Variants in MAF observed in about 807,000 individuals in gnomAD.
MAF encodes MAF bZIP transcription factor, also known as transcription factor Maf.
In MAF, 10 loss-of-function variants were observed where a neutral mutation model predicts 22.0. The observed-to-expected ratio is 0.45, with a 90% CI of 0.28 to 0.77. MAF has a LOEUF of 0.77. Ranked by LOEUF, MAF falls within the 30% of genes least tolerant of loss-of-function variation. MAF has a pLI of 0.12. For synonymous variants in MAF, 337 were observed against 255.8 expected, an observed-to-expected ratio of 1.32 and a Z score of -3.03; for missense variants, 544 against 548.4, an observed-to-expected ratio of 0.99 and a Z score of 0.08.
the MAF span, among the ~76,000 whole-genome samples, chr16:79,233,331 CTAGAGTTCTGGAAG>C: frequency 6.6e-6 from 1 of 151,926 alleles, no homozygotes; most frequent in South Asian, 2.1e-4. Flanking sequence ...TATGTTAGCC[CTAGAGTTCTGGAAG>C]TAGACCTATG....
At chr16:79,498,460 C>T in the MAF span, among the ~76,000 whole-genome samples, 2 of 152,214 alleles carry the variant, frequency 1.3e-5, no homozygotes, top group Non-Finnish European at 2.9e-5. Context: ...CCATTCTTAG[C>T]TTGTCAGCAA....
At chr16:79,429,472 G>A in the MAF span, among the ~76,000 whole-genome samples, 2 of 152,172 alleles carry the variant, frequency 1.3e-5, no homozygotes, top group East Asian at 3.9e-4. Flanking sequence ...CTCGCCTGAT[G>A]CCACAAGATT....
the MAF span, among the ~76,000 whole-genome samples, chr16:79,413,209 A>AGTT: frequency 1.1e-5 from 1 of 93,800 alleles, no homozygotes. Context: ...TGAGCTGTGC[A>AGTT]GTTTTTTTTT....
the MAF span, among the ~76,000 whole-genome samples, chr16:79,417,863 T>C: frequency 6.6e-6 from 1 of 152,166 alleles, no homozygotes; most frequent in Non-Finnish European, 1.5e-5. Flanking sequence ...CACACGTTAC[T>C]TTCCACGATA....
chr16:79,496,979 G>C, the MAF span, among the ~76,000 whole-genome samples: 1 of 152,158 alleles, frequency 6.6e-6, no homozygotes, highest in Non-Finnish European at 1.5e-5. Context: ...GGTTGAGGCA[G>C]AAACTTAAGT....
At chr16:79,504,011 C>T in the MAF span, among the ~76,000 whole-genome samples, 2 of 152,134 alleles carry the variant, frequency 1.3e-5, no homozygotes, top group Admixed American at 1.3e-4. Flanking sequence ...TAAATATCCC[C>T]AAATTTCTCC....
At chr16:79,303,977 T>G in the MAF span, among the ~76,000 whole-genome samples, 1 of 152,222 alleles carries the variant, frequency 6.6e-6, no homozygotes, top group South Asian at 2.1e-4. Flanking sequence ...AGAATATGCC[T>G]GGCTCCAAGA....
chr16:79,427,236 T>A, the MAF span, among the ~76,000 whole-genome samples: 1 of 152,114 alleles, frequency 6.6e-6, no homozygotes, highest in Non-Finnish European at 1.5e-5. Context: ...CAATCAATGA[T>A]CCAGAGGCAA....
At chr16:79,571,344 G>A in the MAF span, among the ~76,000 whole-genome samples, 65 of 151,846 alleles carry the variant, frequency 4.3e-4, 3 homozygotes, top group East Asian at 1.9e-4. Context: ...TTTCCAAAAC[G>A]GCTCCTCTGC....
the MAF span, among the ~76,000 whole-genome samples, chr16:79,354,771 C>G: frequency 6.6e-6 from 1 of 152,176 alleles, no homozygotes; most frequent in Non-Finnish European, 1.5e-5. Context: ...TCCATGCCAT[C>G]CTGGAGCCCA....
At chr16:79,336,913 G>C in the MAF span, among the ~76,000 whole-genome samples, 1 of 152,174 alleles carries the variant, frequency 6.6e-6, no homozygotes, top group Non-Finnish European at 1.5e-5. Flanking sequence ...AGTGCCTGGG[G>C]TGTACAAGAC....
the MAF span, among the ~76,000 whole-genome samples, chr16:79,345,978 G>C: frequency 6.6e-6 from 1 of 151,852 alleles, no homozygotes; most frequent in South Asian, 2.1e-4. Flanking sequence ...GTTATGAATG[G>C]AGTTTGAAAC....
chr16:79,481,034 T>C, the MAF span, among the ~76,000 whole-genome samples: 1 of 152,178 alleles, frequency 6.6e-6, no homozygotes, highest in Non-Finnish European at 1.5e-5. Context: ...ACACAACCTG[T>C]AGTGTGTATG....
At chr16:79,413,211 T>G in the MAF span, among the ~76,000 whole-genome samples, 1 of 5,698 alleles carries the variant, frequency 1.8e-4, no homozygotes. Context: ...AGCTGTGCAG[T>G]TTTTTTTTTT....
At chr16:79,425,991 G>C in the MAF span, among the ~76,000 whole-genome samples, 1 of 152,224 alleles carries the variant, frequency 6.6e-6, no homozygotes, top group Non-Finnish European at 1.5e-5. Flanking sequence ...CGGATCACCA[G>C]ATCAGGAGAT....
chr16:79,298,776 G>A, the MAF span, among the ~76,000 whole-genome samples: 193 of 152,350 alleles, frequency 1.3e-3, 1 homozygote, highest in African/African-American at 4.5e-3. Flanking sequence ...GACGGAAGCT[G>A]GTGTGGACAC....
At chr16:79,291,316 G>C in the MAF span, among the ~76,000 whole-genome samples, 13 of 152,224 alleles carry the variant, frequency 8.5e-5, no homozygotes, top group Admixed American at 7.8e-4. Flanking sequence ...TGGTGGGAGG[G>C]ACGGAGAAGC....
the MAF span, among the ~76,000 whole-genome samples, chr16:79,523,428 C>T: frequency 0.43 from 65,045 of 152,100 alleles, 14,964 homozygotes; most frequent in East Asian, 0.55. Context: ...AACTTTCACA[C>T]ATGTTACTTA....
the MAF span, among the ~76,000 whole-genome samples, chr16:79,580,802 A>G: frequency 9.2e-6 from 1 of 109,078 alleles, no homozygotes; most frequent in Admixed American, 1.2e-4. Flanking sequence ...AAACTGTTCC[A>G]GGCTTTAAAA....
Sources: allele counts gnomAD v4.1 joint callset (sites outside exome capture counted in the v4.1 genomes callset), GRCh38; gene constraint gnomAD v4.1.1; transcripts MANE v1.5; gene names NCBI Gene and HGNC (gene_info 2026-07-23, HGNC 2026-07-21).